TRIOBP: variants seen among roughly 807,000 people sequenced by gnomAD.
TRIOBP encodes the protein TRIO and F-actin binding protein, also known as TRIO and F-actin-binding protein.
Under a neutral mutation model 238.8 loss-of-function variants are expected in TRIOBP, and 169 were observed. That is an observed-to-expected ratio of 0.71 (90% CI 0.62 to 0.80). The LOEUF is 0.80. TRIOBP is among the 30% of genes least tolerant of loss of function. The pLI is 0.00. For synonymous variants in TRIOBP, 1,150 were observed against 1,274.4 expected, an observed-to-expected ratio of 0.90 and a Z score of 2.08; for missense variants, 2,838 against 3,122.6, an observed-to-expected ratio of 0.91 and a Z score of 2.17.
In TRIOBP at chr22:37,769,010, GCTC is replaced by G. The variant is rs1569063546; in HGVS notation, c.6576-11_6576-9del. The G allele has an allele frequency of 1.9e-6, 3 of 1,612,982 alleles. No individual in the cohort carries two copies. The highest frequency in any genetic ancestry group is 2.5e-6 in the Non-Finnish European group (3 of 1,180,016). On this transcript the variant is annotated splice_polypyrimidine_tract_variant and intron_variant, in intron 19 of 23. Transcript: ENST00000644935. Reference sequence around the variant, plus strand: ...AGCAAGACAACCTATGCTCTCCTCTGCTCCTCCTCTGGGGCAGGTCAGATGTGG... The same window carrying G: ...AGCAAGACAACCTATGCTCTCCTCTGCTCCTCTGGGGCAGGTCAGATGTGG...
intron 11 of TRIOBP, 115 bp downstream of exon 11, chr22:37,741,147 A>G (rs1924917674): frequency 1.4e-6 from 2 of 1,387,612 alleles, no homozygotes; most frequent in South Asian, 2.6e-5. Flanking sequence ...GGAGGCACCT[A>G]GGGCCGTCGC....
intron 3 of TRIOBP, among the ~76,000 whole-genome samples, chr22:37,705,872 G>A (rs1026544854): frequency 3.9e-5 from 6 of 152,126 alleles, no homozygotes; most frequent in Admixed American, 6.6e-5. Context: ...CACCTCGCCC[G>A]GCCAAGCCAC....
intron 11 of TRIOBP, among the ~76,000 whole-genome samples, chr22:37,742,992 G>A (rs1454759061): frequency 2.6e-5 from 4 of 152,166 alleles, no homozygotes; most frequent in Non-Finnish European, 5.9e-5. Context: ...ACCCTGCTCT[G>A]GCTGACCTCA....
intron 2 of TRIOBP, 146 bp from the exon 3 acceptor site, chr22:37,701,160 G>A: frequency 9.0e-6 from 5 of 557,328 alleles, no homozygotes; most frequent in South Asian, 7.6e-5. Flanking sequence ...AAATGAACAG[G>A]AATGGATGGA....
chr22:37,758,149 C>T lies in TRIOBP; in HGVS notation c.6213+11C>T, dbSNP rs374316319. 2.2e-5 allele frequency: 36 copies of T among 1,610,548 alleles called. No homozygotes were observed. Among genetic ancestry groups the T allele is most frequent in the Admixed American group, 1.3e-4 (8 of 59,988 alleles). ...GCACTGGAGAAGGAGGTAGGCACCA[C>T]GGCTGGCTCTCTAGGAGGCCCCTTG... On this transcript the variant is annotated intron_variant, in intron 16 of 23. Transcript: ENST00000644935.
chr22:37,713,658 C>T (rs1388836331), intron 5 of TRIOBP, among the ~76,000 whole-genome samples: 1 of 152,226 alleles, frequency 6.6e-6, no homozygotes, highest in Admixed American at 6.5e-5. Context: ...TTTCAGCCGA[C>T]AGGAGCTCTG....
At chr22:37,755,722 T>G in intron 15 of TRIOBP, 63 bp downstream of exon 15, 1 of 1,422,478 alleles carries the variant, frequency 7.0e-7, no homozygotes, top group Non-Finnish European at 9.9e-7. Flanking sequence ...CCGAGTGGGT[T>G]TCTAGGTACT....
rs1049470352 is a variant in TRIOBP, at chr22:37,717,895, C to T, written c.628+1961C>T. Among the ~76,000 whole-genome samples, 7 of 152,342 alleles carry T rather than the reference C, an allele frequency of 4.6e-5. No individual in the cohort carries two copies. In the South Asian group the frequency reaches 8.3e-4, roughly 18 times the overall value. On this transcript the variant is annotated intron_variant, in intron 6 of 23. Coordinates refer to ENST00000644935, the MANE Select transcript of TRIOBP (RefSeq NM_001039141.3). ...ACTGGGCGCTGTGGAGCAGGGGCGG[C>T]GCTCATCGGGGAGGCTCGGGCTGCA...
intron 11 of TRIOBP, chr22:37,746,264 G>T (rs1925249261): frequency 1.8e-6 from 2 of 1,086,908 alleles, no homozygotes; most frequent in Non-Finnish European, 1.1e-6. Context: ...GGCCGGGGCA[G>T]CGTCGGGGAA....
rs1357533846 is a variant in TRIOBP at position 37,774,464 on chromosome 22, T to C, written c.*684T>C. Reference sequence around the variant, plus strand: ...GCCAGAGCCACCCAAAAGGTGTTTCTCTTCTGCTCCCTGAACCTCTTAACT... The same window carrying C: ...GCCAGAGCCACCCAAAAGGTGTTTCCCTTCTGCTCCCTGAACCTCTTAACT... On this transcript the variant is annotated 3_prime_UTR_variant, in exon 24 of 24. Coordinates refer to ENST00000644935, the MANE Select transcript of TRIOBP (RefSeq NM_001039141.3). The C allele has an allele frequency of 6.6e-6, 1 of 152,264 alleles. No homozygotes were observed. The highest frequency in any genetic ancestry group is 1.5e-5 in the Non-Finnish European group (1 of 68,048). 9.4% of individuals were successfully genotyped at this position (152,264 alleles called of 1,614,324 possible).
rs1323214636 is a variant in TRIOBP at position 37,740,944 on chromosome 22, G to A, written c.5234G>A (p.Arg1745Gln). The change falls in exon 11 of 24, where the codon CGA becomes CAA. Residue 1745 changes from arginine (R) to glutamine (Q), a missense_variant. Coordinates refer to ENST00000644935, the MANE Select transcript of TRIOBP (RefSeq NM_001039141.3). ...AAGGCTGGGAGCCCGCTCAAGGGCC[G>A]ACTGGTGACCTCATGGCGGATGCCC... ...EGKAGSPLKG[R>Q]LVTSWRMPGD... The A allele has an allele frequency of 5.1e-6, 8 of 1,569,192 alleles. No individual in the cohort carries two copies. The highest frequency in any genetic ancestry group is 1.2e-5 in the South Asian group (1 of 85,284).
In TRIOBP at chr22:37,725,167, T is replaced by C. The variant is rs1924068646; in HGVS notation, c.2611T>C (p.Cys871Arg). ...CAACCCTGGAACCTCCTCATCTCAATGCTGCACCCAAAAGGAGAATCTGAG... is the reference window on the plus strand; with the variant it reads ...CAACCCTGGAACCTCCTCATCTCAACGCTGCACCCAAAAGGAGAATCTGAG... ...RDNPGTSSSQ[C>R]CTQKENLRPS... The change falls in exon 7 of 24, where the codon TGC becomes CGC. Residue 871 changes from cysteine (C) to arginine (R), a missense_variant. Around this residue, in one of 5 missense-constraint regions of TRIOBP, gnomAD observed 2,096 missense variants for 2,137.4 expected, o/e 0.98. Coordinates refer to ENST00000644935, the MANE Select transcript of TRIOBP (RefSeq NM_001039141.3). The C allele has an allele frequency of 1.2e-6, 2 of 1,613,964 alleles. No homozygotes were observed. The highest frequency in any genetic ancestry group is 3.3e-5 in the Admixed American group (2 of 59,992).
In TRIOBP at chr22:37,701,414, A is replaced by G. The variant is rs763603968; in HGVS notation, c.49A>G (p.Ile17Val). The G allele has an allele frequency of 6.2e-7, 1 of 1,613,928 alleles. No homozygotes were observed. Among genetic ancestry groups the G allele is most frequent in the South Asian group, 1.1e-5 (1 of 90,982 alleles). Residue 17 changes from isoleucine to valine, a missense_variant, in exon 3 of 24, where the codon ATA (isoleucine) becomes GTA (valine). Ile to Val is a conservative substitution (Grantham distance 29, BLOSUM62 3). Around this residue, in one of 5 missense-constraint regions of TRIOBP, gnomAD observed 535 missense variants for 537.3 expected, o/e 1.00. Coordinates refer to ENST00000644935, the MANE Select transcript of TRIOBP (RefSeq NM_001039141.3). ...DALCEHFEAN[I>V]LTQNRCQNCF... ...CCTGTGTGAACACTTTGAGGCCAAC[A>G]TACTTACCCAGAACCGCTGTCAAAA...
At chr22:37,736,619 T>C (rs1177516803) in intron 9 of TRIOBP, among the ~76,000 whole-genome samples, 1 of 152,168 alleles carries the variant, frequency 6.6e-6, no homozygotes, top group Non-Finnish European at 1.5e-5. Context: ...TTTGTGCTTT[T>C]ATTTTTATTT....
At chr22:37,715,658 A>C (rs773372685) in intron 5 of TRIOBP, 105 bp from the exon 6 acceptor site, 3 of 1,372,652 alleles carry the variant, frequency 2.2e-6, no homozygotes, top group Non-Finnish European at 3.0e-6. Flanking sequence ...AGTGCTTTTT[A>C]ATGCCAATTC....
chr22:37,768,589 G>A (rs1479884088), intron 19 of TRIOBP, among the ~76,000 whole-genome samples: 1 of 152,162 alleles, frequency 6.6e-6, no homozygotes, highest in Non-Finnish European at 1.5e-5. Flanking sequence ...GGGAGGCTGG[G>A]ATCAGGAGTT....
In TRIOBP at chr22:37,725,643, C is replaced by T. The variant is rs763921724; in HGVS notation, c.3087C>T (p.Pro1029=). 4 of 1,610,186 alleles carry T rather than the reference C, an allele frequency of 2.5e-6. No homozygotes were observed. The African/African-American group carries it at 5.4e-5, about 22-fold the overall frequency. ...GHRDAPRASS[P]PRYLQHDPFP... is the part of the protein sequence containing the mutation. ...GGGATGCCCCTCGAGCCTCTTCGCC[C>T]CCTCGCTATTTGCAGCACGACCCCT... Residue 1029 remains proline (P), a synonymous_variant, in exon 7 of 24, where the codon CCC becomes CCT. Coordinates refer to ENST00000644935, the MANE Select transcript of TRIOBP (RefSeq NM_001039141.3).
At chr22:37,744,448 C>CT (rs1279481023) in intron 11 of TRIOBP, among the ~76,000 whole-genome samples, 1 of 152,142 alleles carries the variant, frequency 6.6e-6, no homozygotes, top group African/African-American at 2.4e-5. Context: ...TCCTGACTGC[C>CT]TAGAAGAGGA....
rs1412479061 is a variant in TRIOBP, at chr22:37,756,508, T to G, written c.5687+849T>G. Among the ~76,000 whole-genome samples, 4 of 152,180 alleles carry G rather than the reference T, an allele frequency of 2.6e-5. No individual in the cohort carries two copies. In the East Asian group the frequency reaches 7.7e-4, roughly 29 times the overall value. On this transcript the variant is annotated intron_variant, in intron 15 of 23. Transcript: ENST00000644935. Reference sequence around the variant, plus strand: ...TGTGCCAGGATGTGCCCAGAGCACTTTGTGAACTCTGAAGCACTGTGCAGT... The same window carrying G: ...TGTGCCAGGATGTGCCCAGAGCACTGTGTGAACTCTGAAGCACTGTGCAGT...
Sources: allele counts gnomAD v4.1 joint callset (sites outside exome capture counted in the v4.1 genomes callset), GRCh38; gene constraint gnomAD v4.1.1; regional missense constraint gnomAD v4.1.1; transcripts MANE v1.5; gene names NCBI Gene and HGNC (gene_info 2026-07-23, HGNC 2026-07-21).